The following TACR1 variants were observed in gnomAD, a reference collection of about 807,000 sequenced individuals.
The protein encoded by TACR1 is substance-P receptor.
TACR1 carries 25 observed loss-of-function variants against 35.8 expected under a neutral mutation model. The ratio of observed to expected loss-of-function variants is 0.70; its 90% CI spans 0.51 to 0.98. The LOEUF (loss-of-function observed/expected upper bound fraction) is 0.98. Ranked by LOEUF, TACR1 falls within the 50% of genes least tolerant of loss-of-function variation. The pLI is 0.00. For synonymous variants in TACR1, 195 were observed against 206.7 expected (o/e 0.94, Z 0.48); for missense variants, 478 against 522.9 (o/e 0.91, Z 0.84).
intron 1 of TACR1, among the ~76,000 whole-genome samples, chr2:75,185,538 G>C (rs1314716210): frequency 6.6e-6 from 1 of 151,962 alleles, no homozygotes; most frequent in African/African-American, 2.4e-5. Flanking sequence ...TAAAAATTAA[G>C]ATTTAAATTT....
At chr2:75,131,891 T>A (rs1037999997) in intron 1 of TACR1, among the ~76,000 whole-genome samples, 1 of 152,226 alleles carries the variant, frequency 6.6e-6, no homozygotes, top group African/African-American at 2.4e-5. Context: ...TTGAAAATTG[T>A]AAATCAAAAT....
intron 1 of TACR1, among the ~76,000 whole-genome samples, chr2:75,173,080 G>A (rs927373087): frequency 6.6e-6 from 1 of 152,070 alleles, no homozygotes; most frequent in Non-Finnish European, 1.5e-5. Context: ...CTTGGGGTGG[G>A]GGGTCAGGAA....
At chr2:75,070,217 GTA>G (rs773665389) in intron 2 of TACR1, among the ~76,000 whole-genome samples, 33,022 of 150,720 alleles carry the variant, frequency 0.22, 4,604 homozygotes, top group African/African-American at 0.36. Context: ...AACATTGTAT[GTA>G]TGTGTGTGTG....
At chr2:75,061,138 C>T (rs1449782921) in intron 2 of TACR1, among the ~76,000 whole-genome samples, 1 of 150,392 alleles carries the variant, frequency 6.6e-6, no homozygotes, top group Non-Finnish European at 1.5e-5. Flanking sequence ...GCAAGATGGC[C>T]ATGAGAAGAG....
chr2:75,157,953 T>C (rs2103984912), intron 1 of TACR1, among the ~76,000 whole-genome samples: 1 of 152,380 alleles, frequency 6.6e-6, no homozygotes, highest in Admixed American at 6.5e-5. Flanking sequence ...GTTTAGAGCC[T>C]GTTTCTCAAG....
At chr2:75,065,812 TG>T (rs1043738837) in intron 2 of TACR1, among the ~76,000 whole-genome samples, 11 of 152,312 alleles carry the variant, frequency 7.2e-5, no homozygotes, top group African/African-American at 2.4e-4. Context: ...GGGTGTTGGT[TG>T]GTATTTTACA....
At chr2:75,175,929 A>G (rs1280229822) in intron 1 of TACR1, among the ~76,000 whole-genome samples, 3 of 131,938 alleles carry the variant, frequency 2.3e-5, no homozygotes, top group Admixed American at 9.3e-5. Flanking sequence ...AGAAGATTTT[A>G]TTTTCTTTTA....
chr2:75,145,486 C>A (rs1440001720), intron 1 of TACR1, among the ~76,000 whole-genome samples: 5 of 152,066 alleles, frequency 3.3e-5, no homozygotes, highest in Non-Finnish European at 5.9e-5. Flanking sequence ...CAAAGAAAAT[C>A]AACTGAAAAA....
intron 2 of TACR1, among the ~76,000 whole-genome samples, chr2:75,101,494 G>T (rs1673532344): frequency 2.0e-5 from 3 of 152,102 alleles, no homozygotes; most frequent in Admixed American, 1.3e-4. Flanking sequence ...GGAAACTGAG[G>T]CTCAGAGGAG....
At chr2:75,128,351 G>A (rs945248597) in intron 1 of TACR1, among the ~76,000 whole-genome samples, 1 of 152,196 alleles carries the variant, frequency 6.6e-6, no homozygotes, top group African/African-American at 2.4e-5. Context: ...TAGATAGAAG[G>A]TGCCCCCTAA....
At chr2:75,114,104 T>C (rs1163062022) in intron 2 of TACR1, among the ~76,000 whole-genome samples, 1 of 152,214 alleles carries the variant, frequency 6.6e-6, no homozygotes, top group East Asian at 1.9e-4. Flanking sequence ...TAGAGAATTA[T>C]ATTAGAGCTA....
intron 2 of TACR1, among the ~76,000 whole-genome samples, chr2:75,084,240 C>T (rs1386950507): frequency 6.6e-6 from 1 of 152,132 alleles, no homozygotes; most frequent in African/African-American, 2.4e-5. Flanking sequence ...TATTGATTTG[C>T]ATCTATTGAA....
At chr2:75,184,995 G>C (rs1300697554) in intron 1 of TACR1, among the ~76,000 whole-genome samples, 1 of 151,726 alleles carries the variant, frequency 6.6e-6, no homozygotes, top group East Asian at 1.9e-4. Context: ...TATCCATAAG[G>C]GTGTTTTAGA....
At chr2:75,135,712 A>G (rs1332068563) in intron 1 of TACR1, among the ~76,000 whole-genome samples, 1 of 152,216 alleles carries the variant, frequency 6.6e-6, no homozygotes, top group Non-Finnish European at 1.5e-5. Context: ...CCCACATGCT[A>G]ATTCCACAGA....
intron 1 of TACR1, among the ~76,000 whole-genome samples, chr2:75,134,492 A>G (rs544192567): frequency 7.2e-5 from 11 of 152,210 alleles, no homozygotes; most frequent in Non-Finnish European, 1.3e-4. Context: ...ATGATGCATT[A>G]GAAGCATGAG....
At chr2:75,174,977 C>G (rs149333012) in intron 1 of TACR1, among the ~76,000 whole-genome samples, 14 of 152,282 alleles carry the variant, frequency 9.2e-5, no homozygotes, top group Middle Eastern at 3.4e-3. Context: ...TGATCAGAAT[C>G]CCAATAGTTT....
At chr2:75,075,376 G>A (rs1198672803) in intron 2 of TACR1, among the ~76,000 whole-genome samples, 7 of 152,176 alleles carry the variant, frequency 4.6e-5, no homozygotes, top group African/African-American at 9.6e-5. Context: ...AGTTGAACAT[G>A]TGCAAACCCA....
chr2:75,079,594 C>T (rs1459631676), intron 2 of TACR1, among the ~76,000 whole-genome samples: 1 of 152,170 alleles, frequency 6.6e-6, no homozygotes, highest in Non-Finnish European at 1.5e-5. Context: ...GCCAAAAATA[C>T]CTTGTGATTT....
chr2:75,094,859 A>ATATATATATATATATATAT, intron 2 of TACR1, among the ~76,000 whole-genome samples: 29 of 113,096 alleles, frequency 2.6e-4, no homozygotes, highest in East Asian at 1.2e-3. Context: ...ATATATATAT[A>ATATATATATATATATATAT]TTTTTTTTTT....
Sources: gnomAD v4.1 joint callset for allele counts (sites outside exome capture counted in the v4.1 genomes callset) on GRCh38, gnomAD v4.1.1 for gene constraint, MANE v1.5 for transcripts, NCBI Gene and HGNC (gene_info 2026-07-23, HGNC 2026-07-21) for gene names.